C8orf34: variants seen among roughly 807,000 people sequenced by gnomAD.
The protein encoded by C8orf34 is chromosome 8 open reading frame 34.
A neutral mutation model predicts 68.3 loss-of-function variants in C8orf34; 65 were observed. That is an observed-to-expected ratio of 0.95 (90% CI 0.78 to 1.17). The LOEUF is 1.17. C8orf34 is among the 50% of genes most tolerant of loss of function. C8orf34 has a pLI of 0.00. For missense variants in C8orf34, 664 were observed against 655.4 expected (o/e 1.01, Z -0.14); for synonymous variants, 244 against 241.2 (o/e 1.01, Z -0.11).
intron 8 of C8orf34, among the ~76,000 whole-genome samples, chr8:68,694,969 G>A (rs1820785608): frequency 6.6e-6 from 1 of 151,720 alleles, no homozygotes; most frequent in Non-Finnish European, 1.5e-5. Context: ...TTTAATATTG[G>A]ATCATTCAAA....
At chr8:68,528,181 C>G (rs945667706) in intron 6 of C8orf34, among the ~76,000 whole-genome samples, 1 of 152,164 alleles carries the variant, frequency 6.6e-6, no homozygotes, top group African/African-American at 2.4e-5. Context: ...TTCCCCAAAC[C>G]TGGCCTCTCA....
At chr8:68,462,451 T>G (rs1329934725) in intron 3 of C8orf34, among the ~76,000 whole-genome samples, 1 of 151,690 alleles carries the variant, frequency 6.6e-6, no homozygotes, top group Admixed American at 6.6e-5. Context: ...CTAATAGACA[T>G]CTACAGAACT....
At chr8:68,803,727 A>G (rs1221236796) in intron 12 of C8orf34, among the ~76,000 whole-genome samples, 1 of 152,100 alleles carries the variant, frequency 6.6e-6, no homozygotes, top group African/African-American at 2.4e-5. Flanking sequence ...TACATATAAG[A>G]TAATAGATAG....
intron 12 of C8orf34, among the ~76,000 whole-genome samples, chr8:68,805,395 G>C (rs189972395): frequency 1.3e-5 from 2 of 152,190 alleles, no homozygotes; most frequent in African/African-American, 4.8e-5. Context: ...TCTTCTTACT[G>C]TATGTTTTGG....
At chr8:68,675,512 G>C (rs11780310) in intron 8 of C8orf34, among the ~76,000 whole-genome samples, 1 of 151,348 alleles carries the variant, frequency 6.6e-6, no homozygotes, top group Non-Finnish European at 1.5e-5. Flanking sequence ...TCAAATTGTC[G>C]AAAGTTTAAA....
chr8:68,617,583 T>C (rs1280210288), intron 7 of C8orf34, among the ~76,000 whole-genome samples: 2 of 152,208 alleles, frequency 1.3e-5, no homozygotes, highest in African/African-American at 2.4e-5. Context: ...GGTTGAAAAT[T>C]CTTTTCTTTA....
At chr8:68,434,856 C>A (rs1810592045) in intron 1 of C8orf34, among the ~76,000 whole-genome samples, 1 of 151,960 alleles carries the variant, frequency 6.6e-6, no homozygotes, top group East Asian at 1.9e-4. Context: ...ACCAGCCTGA[C>A]CAACATGGTG....
intron 7 of C8orf34, among the ~76,000 whole-genome samples, chr8:68,578,845 A>G (rs938859350): frequency 6.6e-6 from 1 of 152,058 alleles, no homozygotes; most frequent in Non-Finnish European, 1.5e-5. Flanking sequence ...AACTTTGCTG[A>G]AAAGGAAACA....
chr8:68,575,820 T>A (rs1238659576), intron 7 of C8orf34, among the ~76,000 whole-genome samples: 2 of 152,046 alleles, frequency 1.3e-5, no homozygotes, highest in African/African-American at 4.8e-5. Context: ...TAATCAAGTA[T>A]TATCATTGGC....
At chr8:68,562,997 A>T (rs1816480169) in intron 7 of C8orf34, among the ~76,000 whole-genome samples, 1 of 152,128 alleles carries the variant, frequency 6.6e-6, no homozygotes, top group Non-Finnish European at 1.5e-5. Context: ...ACAGCACTAT[A>T]ATTTTTTAAA....
chr8:68,660,900 AG>A (rs879420772), intron 8 of C8orf34, among the ~76,000 whole-genome samples: 40 of 149,836 alleles, frequency 2.7e-4, no homozygotes, highest in East Asian at 4.0e-4. Flanking sequence ...AGCTACAAAA[AG>A]GGGGGGGAAA....
chr8:68,676,414 C>T (rs1474161343), intron 8 of C8orf34, among the ~76,000 whole-genome samples: 3 of 151,972 alleles, frequency 2.0e-5, no homozygotes, highest in Non-Finnish European at 4.4e-5. Flanking sequence ...AGGGATAGAC[C>T]CCAATACAAT....
At chr8:68,534,377 T>G (rs1815375953) in intron 7 of C8orf34, 1 of 959,780 alleles carries the variant, frequency 1.0e-6, no homozygotes, top group Non-Finnish European at 1.2e-6. Context: ...GAGCACTTAC[T>G]CTATGCTAAG....
chr8:68,634,131 TA>T (rs552954464), intron 7 of C8orf34, among the ~76,000 whole-genome samples: 135 of 152,352 alleles, frequency 8.9e-4, no homozygotes, highest in African/African-American at 3.1e-3. Flanking sequence ...CAGGTTGAGA[TA>T]TTTTTAAAGA....
In C8orf34 at chr8:68,666,770, T is replaced by C. The variant is rs1819855164; in HGVS notation, c.1241+26259T>C. Among the ~76,000 whole-genome samples, 4 of 152,190 alleles carry C rather than the reference T, an allele frequency of 2.6e-5. No homozygotes were observed. The South Asian group carries it at 8.3e-4, about 31-fold the overall frequency. The stretch of plus-strand genomic sequence containing the variant: ...TTTGTTTACATACAAAAAGAAACAA[T>C]TTAGAAAAAATGAATTGATTTTTCC... On this transcript the variant is annotated intron_variant, in intron 8 of 13. Transcript: ENST00000518698.
At position 68,772,215 on chromosome 8, in the gene C8orf34, T is replaced by C. The variant is rs114866891; in HGVS notation, c.1405-4184T>C. Among the ~76,000 whole-genome samples the C allele has an allele frequency of 4.3e-3, 661 of 152,318 alleles. 6 individuals are homozygous for C. The highest frequency in any genetic ancestry group is 0.015 in the African/African-American group (628 of 41,580). ...CTCATGGAATTTTTTAAAAGAAAAT[T>C]AACATCAGAGGTCTTAGACAGATAC... is the stretch of plus-strand genomic sequence containing the variant. On this transcript the variant is annotated intron_variant, in intron 10 of 13. Transcript: ENST00000518698.
At chr8:68,407,517 A>T (rs1809251522) in intron 1 of C8orf34, among the ~76,000 whole-genome samples, 1 of 152,008 alleles carries the variant, frequency 6.6e-6, no homozygotes, top group South Asian at 2.1e-4. Context: ...ATTTTATTAT[A>T]TTATTTTGTC....
At chr8:68,557,294 G>T (rs769035972) in intron 7 of C8orf34, among the ~76,000 whole-genome samples, 2 of 152,076 alleles carry the variant, frequency 1.3e-5, no homozygotes, top group Non-Finnish European at 2.9e-5. Context: ...AACCTTCTCC[G>T]TGGGGGAATG....
chr8:68,674,751 T>C (rs367747654), intron 8 of C8orf34, among the ~76,000 whole-genome samples: 4 of 152,178 alleles, frequency 2.6e-5, no homozygotes, highest in African/African-American at 4.8e-5. Context: ...AGAGAACTTT[T>C]CAAACCTAGA....
Sources: allele counts gnomAD v4.1 joint callset (sites outside exome capture counted in the v4.1 genomes callset), GRCh38; gene constraint gnomAD v4.1.1; transcripts MANE v1.5; gene names NCBI Gene and HGNC (gene_info 2026-07-23, HGNC 2026-07-21).